Variants in CELF3 observed in about 807,000 individuals in gnomAD.
The protein encoded by CELF3 is CAG repeat domain.
CELF3 carries 26 observed loss-of-function variants against 59.6 expected under a neutral mutation model. That is an observed-to-expected ratio of 0.44 (90% CI 0.32 to 0.61). The LOEUF (loss-of-function observed/expected upper bound fraction) is 0.61. Among genes scored for constraint, CELF3 ranks in the 20% least tolerant of loss-of-function variants. CELF3 has a pLI of 0.06. For synonymous variants in CELF3, 245 were observed against 250.7 expected (o/e 0.98, Z 0.22); for missense variants, 387 against 627.2 (o/e 0.62, Z 4.09).
rs1021581334 is a variant in CELF3 at position 151,702,009 on chromosome 1, G to A, written c.*1450C>T. Among the ~76,000 whole-genome samples, 2 of 152,220 alleles carry A rather than the reference G, an allele frequency of 1.3e-5. No individual in the cohort carries two copies. Among genetic ancestry groups the A allele is most frequent in the Non-Finnish European group, 2.9e-5 (2 of 68,038 alleles). On this transcript the variant is annotated 3_prime_UTR_variant, in exon 13 of 13. Coordinates refer to ENST00000290583, the MANE Select transcript of CELF3 (RefSeq NM_007185.7). ...TGAGGAAATGCACAATAAGGACTTG[G>A]AACAGAATCACATATGGAGCAGTGG...
chr1:151,705,024 G>A lies in CELF3; in HGVS notation c.*10+7C>T, dbSNP rs1315465850. ...GGGGAGGGAGGCCACAACGGAGCGG[G>A]ACCCACCTGGGGGCCCTCAGTAGGG... On this transcript the variant is annotated splice_region_variant and intron_variant, in intron 12 of 12. Coordinates refer to ENST00000290583, the MANE Select transcript of CELF3 (RefSeq NM_007185.7). The surrounding 1 kb of genome is among the most constrained non-coding windows in gnomAD (Gnocchi z 5.1). 6.2e-7 allele frequency: 1 copy of A among 1,607,694 alleles called. No individual in the cohort carries two copies. Among genetic ancestry groups the A allele is most frequent in the African/African-American group, 1.3e-5 (1 of 74,832 alleles).
At chr1:151,707,684 C>A in intron 6 of CELF3, 36 bp from the exon 7 acceptor site, 1 of 1,598,926 alleles carries the variant, frequency 6.3e-7, no homozygotes, top group Non-Finnish European at 8.5e-7. Context: ...GGCAGGCCCC[C>A]TGTGCCCAAG....
rs368075080 is a variant in CELF3 at position 151,709,121 on chromosome 1, C to T, written c.407-44G>A. The T allele has an allele frequency of 7.5e-6, 12 of 1,606,954 alleles. No individual in the cohort carries two copies. Among genetic ancestry groups the T allele is most frequent in the African/African-American group, 2.7e-5 (2 of 74,882 alleles). The stretch of plus-strand genomic sequence containing the variant: ...AGGAGGAGAGGGGTAAGCACCCATC[C>T]CTGCGGGACCCCGCGGTGGAACCCG... On this transcript the variant is annotated intron_variant, in intron 4 of 12. Coordinates refer to ENST00000290583, the MANE Select transcript of CELF3 (RefSeq NM_007185.7). The surrounding 1 kb of genome is among the most constrained non-coding windows in gnomAD (Gnocchi z 4.9).
At position 151,708,181 on chromosome 1, in the gene CELF3, C is replaced by T. The variant is rs902946311; in HGVS notation, c.487-246G>A. Reference sequence around the variant, plus strand: ...ACATGCTTGGAAAGTGAAAAGCCTACTGGAATGAAAAGGGCATCATTGGCT... The same window carrying T: ...ACATGCTTGGAAAGTGAAAAGCCTATTGGAATGAAAAGGGCATCATTGGCT... On this transcript the variant is annotated intron_variant, in intron 5 of 12. Coordinates refer to ENST00000290583, the MANE Select transcript of CELF3 (RefSeq NM_007185.7). The T allele has an allele frequency of 4.1e-5, 19 of 464,952 alleles. No homozygotes were observed. The East Asian group carries it at 6.2e-4, about 15-fold the overall frequency. 28.8% of individuals were successfully genotyped at this position (464,952 alleles called of 1,614,324 possible).
chr1:151,712,387 C>G lies in CELF3; in HGVS notation c.228+2207G>C, dbSNP rs374892193. On this transcript the variant is annotated intron_variant, in intron 2 of 12. Transcript: ENST00000290583. ...ACAAAATCTAATTCTTTTGAGGGTA[C>G]AGCCTGGGGTCCTGCCACTCCTGGC... Among the ~76,000 whole-genome samples the G allele has an allele frequency of 1.4e-4, 22 of 152,362 alleles. No individual in the cohort carries two copies. The South Asian group carries it at 4.6e-3, about 32-fold the overall frequency.
At position 151,709,499 on chromosome 1, in the gene CELF3, T is replaced by C; in HGVS notation, c.278-151A>G. ...GGGCTGATGGTTGGGGAATGGGGTA[T>C]AGTTGCAGAGGGTGCTCATCCCAGC... On this transcript the variant is annotated intron_variant, in intron 3 of 12. Transcript: ENST00000290583. This position sits in a 1 kb window ranked among gnomAD's most constrained non-coding sequence, Gnocchi z 4.9. The C allele has an allele frequency of 8.6e-7, 1 of 1,168,392 alleles. No homozygotes were observed. The highest frequency in any genetic ancestry group is 1.4e-5 in the South Asian group (1 of 72,478). The allele number at this position is 1,168,392 out of a possible 1,614,324, so 72.4% of individuals were successfully genotyped here. A position where few individuals can be genotyped will look rare whatever the true frequency, so the allele number is the denominator to read the frequency against.
rs1479645564 is a variant in CELF3 at position 151,705,080 on chromosome 1, G to A, written c.1359C>T (p.Val453=). 1.9e-6 allele frequency: 3 copies of A among 1,613,990 alleles called. No homozygotes were observed. The Admixed American group carries it at 5.0e-5, about 27-fold the overall frequency. The change falls in exon 12 of 13, where the codon GTC becomes GTT. Residue 453 remains valine, a synonymous_variant. Transcript: ENST00000290583. This position sits in a 1 kb window ranked among gnomAD's most constrained non-coding sequence, Gnocchi z 5.1. Reference sequence around the variant, plus strand: ...TGGCATCCTTAGGCCGCTTTAGCTGGACTTTGAGGCGCTTCATGCCGATCT... The same window carrying A: ...TGGCATCCTTAGGCCGCTTTAGCTGAACTTTGAGGCGCTTCATGCCGATCT... ...GFQIGMKRLK[V]QLKRPKDANR...
rs1672534538 is a variant in CELF3 at position 151,706,345 on chromosome 1, G to A, written c.1005C>T (p.Ala335=). The A allele has an allele frequency of 2.6e-6, 4 of 1,550,572 alleles. No homozygotes were observed. Among genetic ancestry groups the A allele is most frequent in the African/African-American group, 2.7e-5 (2 of 73,028 alleles). The part of the protein sequence containing the change: ...MQHYTAAYPA[A]YSLVAPAFPQ... Reference sequence around the variant, plus strand: ...GGAACGCAGGTGCAACCAGGCTGTAGGCTGCTGGGTAGGCTGCTGGGGTGG... The same window carrying A: ...GGAACGCAGGTGCAACCAGGCTGTAAGCTGCTGGGTAGGCTGCTGGGGTGG... The change falls in exon 10 of 13, where the codon GCC becomes GCT. Residue 335 remains alanine (A), a synonymous_variant. Coordinates refer to ENST00000290583, the MANE Select transcript of CELF3 (RefSeq NM_007185.7).
chr1:151,714,473 A>G (rs1359990281), intron 2 of CELF3, 121 bp downstream of exon 2: 5 of 750,518 alleles, frequency 6.7e-6, no homozygotes, highest in Admixed American at 2.0e-5. Context: ...ACAGAGAGAG[A>G]GGGGGACTTC....
In CELF3 at chr1:151,716,553, T is replaced by C. The variant is rs1244368461; in HGVS notation, c.-533A>G. On this transcript the variant is annotated 5_prime_UTR_variant, in exon 1 of 13. Coordinates refer to ENST00000290583, the MANE Select transcript of CELF3 (RefSeq NM_007185.7). ...CTTCCCTGGGAGGACACCTCCCCTG[T>C]GGCGGATCCTTCTGCTGGGTCCGAA... 1 of 337,814 alleles carries C rather than the reference T, an allele frequency of 3.0e-6. No individual in the cohort carries two copies. Among genetic ancestry groups the C allele is most frequent in the African/African-American group, 2.2e-5 (1 of 46,254 alleles). 20.9% of individuals were successfully genotyped at this position (337,814 alleles called of 1,614,324 possible).
chr1:151,700,936 A>G lies in CELF3; in HGVS notation c.*2523T>C, dbSNP rs535833272. ...TCTTATTTACTAAGCAATGTCTAAT[A>G]TTTGGGGCACTGTTTAGGGTGACCA... On this transcript the variant is annotated 3_prime_UTR_variant, in exon 13 of 13. Coordinates refer to ENST00000290583, the MANE Select transcript of CELF3 (RefSeq NM_007185.7). The G allele has an allele frequency of 6.6e-6, 1 of 152,334 alleles. No homozygotes were observed. The highest frequency in any genetic ancestry group is 1.5e-5 in the Non-Finnish European group (1 of 68,038). The allele number at this position is 152,334 out of a possible 1,614,324, so 9.4% of individuals were successfully genotyped here.
rs1483866387 is a variant in CELF3 at position 151,707,536 on chromosome 1, A to G, written c.743T>C (p.Leu248Pro). Residue 248 changes from leucine (L) to proline (P), a missense_variant, in exon 7 of 13, where the codon CTC becomes CCC. This residue lies in a region of CELF3 where 208 missense variants were observed against 354.8 expected (regional missense o/e 0.59). Coordinates refer to ENST00000290583, the MANE Select transcript of CELF3 (RefSeq NM_007185.7). ...QHMAAINANG[L>P]IATPITPSSG... ...GGATGGGGTGATGGGGGTGGCGATGAGGCCATTGGCATTGATGGCAGCCAT... is the reference window on the plus strand; with the variant it reads ...GGATGGGGTGATGGGGGTGGCGATGGGGCCATTGGCATTGATGGCAGCCAT... 7 of 1,610,616 alleles carry G rather than the reference A, an allele frequency of 4.3e-6. No homozygotes were observed. The highest frequency in any genetic ancestry group is 5.9e-6 in the Non-Finnish European group (7 of 1,179,800).
At chr1:151,706,561 G>T in intron 9 of CELF3, 108 bp downstream of exon 9, 1 of 1,313,060 alleles carries the variant, frequency 7.6e-7, no homozygotes, top group Non-Finnish European at 1.1e-6. Context: ...AGTAAAGCCT[G>T]AAGAGGGTGA....
chr1:151,710,541 C>T, intron 2 of CELF3: 1 of 401,078 alleles, frequency 2.5e-6, no homozygotes, highest in South Asian at 1.8e-5. Context: ...GGGGAGGGGC[C>T]CAGAAAACCT....
At chr1:151,715,508 G>A (rs767318812) in intron 1 of CELF3, 1 of 769,314 alleles carries the variant, frequency 1.3e-6, no homozygotes, top group Non-Finnish European at 2.0e-6. Flanking sequence ...CAGATTCTCA[G>A]TCTTGCTGCA....
intron 1 of CELF3, 191 bp downstream of exon 1, chr1:151,715,685 T>C (rs1558113152): frequency 2.0e-5 from 30 of 1,530,348 alleles, no homozygotes; most frequent in Non-Finnish European, 2.5e-5. Flanking sequence ...AGGCCCTCCT[T>C]AGTCCTTCAC....
rs1672870394 is a variant in CELF3, at chr1:151,709,856, C to A, written c.229-65G>T. The stretch of plus-strand genomic sequence containing the variant: ...CTGAACACCCAAGAGCCCTCCCAGG[C>A]CAGGCCCTGCAGAGAGACTAGAGGG... On this transcript the variant is annotated intron_variant, in intron 2 of 12. Coordinates refer to ENST00000290583, the MANE Select transcript of CELF3 (RefSeq NM_007185.7). The surrounding 1 kb of genome is among the most constrained non-coding windows in gnomAD (Gnocchi z 4.9). The A allele has an allele frequency of 8.6e-6, 13 of 1,512,234 alleles. 1 individual carries two copies. The South Asian group carries it at 1.3e-4, about 16-fold the overall frequency. The allele number at this position is 1,512,234 out of a possible 1,614,324, so 93.7% of individuals were successfully genotyped here.
At chr1:151,708,068 G>C in intron 5 of CELF3, 133 bp from the exon 6 acceptor site, 1 of 950,062 alleles carries the variant, frequency 1.1e-6, no homozygotes, top group Non-Finnish European at 1.5e-6. Context: ...ACCATTTTGC[G>C]TATGAAAGAT....
chr1:151,709,972 A>G lies in CELF3; in HGVS notation c.229-181T>C. 3 of 645,624 alleles carry G rather than the reference A, an allele frequency of 4.6e-6. No individual in the cohort carries two copies. The highest frequency in any genetic ancestry group is 8.4e-6 in the Non-Finnish European group (3 of 357,456). 40.0% of individuals were successfully genotyped at this position (645,624 alleles called of 1,614,324 possible). A position where few individuals can be genotyped will look rare whatever the true frequency, so the allele number is the denominator to read the frequency against. ...GAAGGCCTGAGGGGATCAGAGGCACAGAGAGAGAGGATGTAGAGGGAGAGG... is the reference window on the plus strand; with the variant it reads ...GAAGGCCTGAGGGGATCAGAGGCACGGAGAGAGAGGATGTAGAGGGAGAGG... On this transcript the variant is annotated intron_variant, in intron 2 of 12. Coordinates refer to ENST00000290583, the MANE Select transcript of CELF3 (RefSeq NM_007185.7). This position sits in a 1 kb window ranked among gnomAD's most constrained non-coding sequence, Gnocchi z 4.9.
Sources: gnomAD v4.1 joint callset for allele counts (sites outside exome capture counted in the v4.1 genomes callset) on GRCh38, gnomAD v4.1.1 for gene constraint, gnomAD v4.1.1 regional missense constraint, Gnocchi (gnomAD v3.1) non-coding constraint, MANE v1.5 for transcripts, NCBI Gene and HGNC (gene_info 2026-07-23, HGNC 2026-07-21) for gene names.